The following SORCS1 variants were observed in gnomAD, a reference collection of about 807,000 sequenced individuals.
SORCS1 encodes the protein VPS10 domain-containing receptor SorCS1.
A neutral mutation model predicts 146.1 loss-of-function variants in SORCS1; 60 were observed. The ratio of observed to expected loss-of-function variants is 0.41; its 90% confidence interval spans 0.33 to 0.51. SORCS1 has a LOEUF of 0.51. Among genes scored for constraint, SORCS1 ranks in the 20% least tolerant of loss-of-function variants. The pLI, the probability that SORCS1 is intolerant of heterozygous loss-of-function variation, is 0.21. For missense variants in SORCS1, 1,352 were observed against 1,487.6 expected, an observed-to-expected ratio of 0.91 and a Z score of 1.50; for synonymous variants, 637 against 584.0, an observed-to-expected ratio of 1.09 and a Z score of -1.31.
intron 6 of SORCS1, among the ~76,000 whole-genome samples, chr10:106,714,875 G>A (rs1441958587): frequency 6.6e-6 from 1 of 152,118 alleles, no homozygotes; most frequent in African/African-American, 2.4e-5. Context: ...CTGTTGAGCT[G>A]TGCAATAAGC....
intron 2 of SORCS1, among the ~76,000 whole-genome samples, chr10:106,889,491 C>T (rs1285963800): frequency 4.6e-5 from 7 of 152,110 alleles, no homozygotes; most frequent in South Asian, 2.1e-4. Flanking sequence ...CGGCCAGGCA[C>T]GGTGGCTCAT....
chr10:106,629,973 A>C (rs1848343529), intron 18 of SORCS1, among the ~76,000 whole-genome samples: 1 of 152,226 alleles, frequency 6.6e-6, no homozygotes, highest in Admixed American at 6.5e-5. Flanking sequence ...TGAATCTGGC[A>C]GGCAGAGGTT....
chr10:107,122,430 T>G (rs1214406243), intron 1 of SORCS1, among the ~76,000 whole-genome samples: 1 of 152,248 alleles, frequency 6.6e-6, no homozygotes, highest in East Asian at 1.9e-4. Context: ...TCTGATCACT[T>G]AACCAGGAAA....
chr10:106,771,535 T>G (rs1192150003), intron 4 of SORCS1, among the ~76,000 whole-genome samples: 2 of 152,238 alleles, frequency 1.3e-5, no homozygotes, highest in Admixed American at 6.5e-5. Context: ...AAGAATTTTT[T>G]TAAATGGGTA....
intron 2 of SORCS1, among the ~76,000 whole-genome samples, chr10:106,836,245 C>T (rs1042824269): frequency 6.6e-6 from 1 of 151,840 alleles, no homozygotes; most frequent in Admixed American, 6.6e-5. Context: ...GAGGCCGAGG[C>T]GGGCAGATCA....
At chr10:106,600,570 T>C in intron 23 of SORCS1, 1 of 985,374 alleles carries the variant, frequency 1.0e-6, no homozygotes, top group Non-Finnish European at 1.2e-6. Context: ...CCTGTATTTT[T>C]TCAAAAGATT....
intron 1 of SORCS1, among the ~76,000 whole-genome samples, chr10:107,070,049 A>G (rs1962282780): frequency 6.6e-6 from 1 of 152,248 alleles, no homozygotes; most frequent in South Asian, 2.1e-4. Context: ...GTGTCTACTC[A>G]GAATATTTCA....
At chr10:106,811,631 C>T (rs1947464691) in intron 3 of SORCS1, among the ~76,000 whole-genome samples, 1 of 152,170 alleles carries the variant, frequency 6.6e-6, no homozygotes, top group African/African-American at 2.4e-5. Flanking sequence ...TGAAAGGCAA[C>T]TGGGCATATC....
In SORCS1 at chr10:106,770,808, C is replaced by T. The variant is rs1173671462; in HGVS notation, c.885+5726G>A. 7.9e-5 allele frequency among the ~76,000 whole-genome samples: 12 copies of T among 152,198 alleles called. 1 individual carries two copies. The highest frequency in any genetic ancestry group is 6.5e-4 in the Admixed American group (10 of 15,288). ...ATATCCCTCCCTCCTTCTAAATGAA[C>T]ACCTGCTCTCCAACTTCCCACAGCC... On this transcript the variant is annotated intron_variant, in intron 4 of 25. Transcript: ENST00000263054.
intron 18 of SORCS1, among the ~76,000 whole-genome samples, chr10:106,643,384 C>T (rs770381412): frequency 6.6e-6 from 1 of 152,222 alleles, no homozygotes; most frequent in African/African-American, 2.4e-5. Context: ...TTCTGCATTG[C>T]CAATCACGTG....
intron 1 of SORCS1, among the ~76,000 whole-genome samples, chr10:106,992,472 A>C (rs1396309262): frequency 6.6e-6 from 1 of 152,014 alleles, no homozygotes; most frequent in Non-Finnish European, 1.5e-5. Context: ...TTTCTAGTCC[A>C]CTCTAAAATC....
chr10:106,704,106 A>G (rs1044058513), intron 8 of SORCS1, among the ~76,000 whole-genome samples: 1 of 152,164 alleles, frequency 6.6e-6, no homozygotes, highest in Non-Finnish European at 1.5e-5. Context: ...TGAACAAGCA[A>G]TGCAAAGTAT....
intron 3 of SORCS1, among the ~76,000 whole-genome samples, chr10:106,799,477 C>G (rs577872537): frequency 2.1e-3 from 317 of 152,300 alleles, no homozygotes; most frequent in Non-Finnish European, 3.7e-3. Context: ...TTGCAATCTA[C>G]TCATCTGACA....
At chr10:107,168,849 A>C (rs1970104103), upstream of SORCS1, among the ~76,000 whole-genome samples, 1 of 152,050 alleles carries the variant, frequency 6.6e-6, no homozygotes, top group Non-Finnish European at 1.5e-5. Flanking sequence ...TTTTACTCCA[A>C]ATCCAACTAA....
intron 18 of SORCS1, among the ~76,000 whole-genome samples, chr10:106,643,659 G>C (rs1383649990): frequency 6.6e-6 from 1 of 152,236 alleles, no homozygotes; most frequent in Non-Finnish European, 1.5e-5. Context: ...GAACTGACTT[G>C]TTATCTTTTT....
chr10:107,167,906 G>C (rs1464138250), upstream of SORCS1, among the ~76,000 whole-genome samples: 1 of 152,076 alleles, frequency 6.6e-6, no homozygotes, highest in Non-Finnish European at 1.5e-5. Context: ...ATACTGATTG[G>C]TGTGCACAAT....
chr10:106,581,382 G>A (rs1844903417), intron 24 of SORCS1, among the ~76,000 whole-genome samples: 1 of 150,336 alleles, frequency 6.7e-6, no homozygotes, highest in Non-Finnish European at 1.5e-5. Context: ...TCAATCCTGG[G>A]CTAATTTCAG....
chr10:106,727,895 C>T (rs1244849914), intron 6 of SORCS1, among the ~76,000 whole-genome samples: 3 of 152,134 alleles, frequency 2.0e-5, no homozygotes, highest in South Asian at 2.1e-4. Context: ...ATTGAAAACC[C>T]GCCTAAAGGC....
Position 106,813,839 on chromosome 10 carries a change from C to G in SORCS1, c.726+15735G>C, listed in dbSNP as rs147858382. 7.6e-3 allele frequency among the ~76,000 whole-genome samples: 1,163 copies of G among 152,198 alleles called. 9 individuals are homozygous for G. Among genetic ancestry groups the G allele is most frequent in the Non-Finnish European group, 9.4e-3 (638 of 67,986 alleles). ...CGGTGTCATGTGCCTGTCATCCCTA[C>G]TTACATTGGAGGCTGGGGTGGGAGG... On this transcript the variant is annotated intron_variant, in intron 3 of 25. Coordinates refer to ENST00000263054, the MANE Select transcript of SORCS1 (RefSeq NM_052918.5).
Sources: allele counts gnomAD v4.1 joint callset (sites outside exome capture counted in the v4.1 genomes callset), GRCh38; gene constraint gnomAD v4.1.1; transcripts MANE v1.5; gene names NCBI Gene and HGNC (gene_info 2026-07-23, HGNC 2026-07-21).